Variants in ANKIB1 observed in about 807,000 individuals in gnomAD.
The protein encoded by ANKIB1 is ankyrin repeat and IBR domain containing 1, also known as ankyrin repeat and IBR domain-containing protein 1.
A neutral mutation model predicts 122.1 loss-of-function variants in ANKIB1; 43 were observed. That is an observed-to-expected ratio of 0.35 (90% CI 0.28 to 0.45). The LOEUF (loss-of-function observed/expected upper bound fraction) is 0.45, where lower values mean the gene tolerates loss of function less well. Among genes scored for constraint, ANKIB1 ranks in the 20% least tolerant of loss-of-function variants. ANKIB1 has a pLI of 1.00. For missense variants in ANKIB1, 992 were observed against 1,329.5 expected, an observed-to-expected ratio of 0.75 and a Z score of 3.95; for synonymous variants, 390 against 442.0, an observed-to-expected ratio of 0.88 and a Z score of 1.48.
intron 1 of ANKIB1, among the ~76,000 whole-genome samples, chr7:92,291,417 A>G (rs1802243662): frequency 6.6e-6 from 1 of 152,170 alleles, no homozygotes; most frequent in African/African-American, 2.4e-5. Flanking sequence ...AAAATATCTC[A>G]TGTACTCCCT....
chr7:92,292,627 T>C (rs1802273009), intron 1 of ANKIB1, among the ~76,000 whole-genome samples: 1 of 152,194 alleles, frequency 6.6e-6, no homozygotes, highest in Non-Finnish European at 1.5e-5. Context: ...TAGTATATTG[T>C]GTATAGTATG....
At chr7:92,282,435 C>T (rs1381894336) in intron 1 of ANKIB1, among the ~76,000 whole-genome samples, 5 of 152,152 alleles carry the variant, frequency 3.3e-5, no homozygotes, top group African/African-American at 1.2e-4. Context: ...TGAGCCACCA[C>T]GCCTGGCCAG....
Position 92,378,498 on chromosome 7 carries a change from T to A in ANKIB1, c.1617+6891T>A, listed in dbSNP as rs868000713. ...TATTTGACAAAAAAAAAAAAAAAAATCAACAATCATTCTTTATAAAACAGT... is the reference window on the plus strand; with the variant it reads ...TATTTGACAAAAAAAAAAAAAAAAAACAACAATCATTCTTTATAAAACAGT... On this transcript the variant is annotated intron_variant, in intron 11 of 19. Transcript: ENST00000265742. Among the ~76,000 whole-genome samples the A allele has an allele frequency of 7.4e-3, 1,030 of 138,372 alleles. 15 individuals are homozygous for A. Among genetic ancestry groups the A allele is most frequent in the African/African-American group, 0.025 (938 of 36,844 alleles). 90.8% of individuals were successfully genotyped at this position (138,372 alleles called of 152,430 possible).
At chr7:92,249,459 G>A (rs1315853214) in intron 1 of ANKIB1, among the ~76,000 whole-genome samples, 3 of 152,124 alleles carry the variant, frequency 2.0e-5, no homozygotes, top group Middle Eastern at 3.2e-3. Flanking sequence ...TGTGGCTCAC[G>A]CCTGTAATCC....
chr7:92,316,977 AT>A (rs1270199931), intron 3 of ANKIB1, among the ~76,000 whole-genome samples: 2 of 152,178 alleles, frequency 1.3e-5, no homozygotes, highest in African/African-American at 4.8e-5. Context: ...CCCAGCATGC[AT>A]TTTAGAAATA....
chr7:92,347,239 C>A (rs1318317690), intron 7 of ANKIB1, among the ~76,000 whole-genome samples: 1 of 152,140 alleles, frequency 6.6e-6, no homozygotes, highest in Non-Finnish European at 1.5e-5. Context: ...GAATGTGGCC[C>A]AACACAAATT....
chr7:92,392,309 G>T lies in ANKIB1; in HGVS notation c.2283+17G>T. The T allele has an allele frequency of 6.2e-7, 1 of 1,606,554 alleles. No homozygotes were observed. The highest frequency in any genetic ancestry group is 2.2e-5 in the East Asian group (1 of 44,532). ...TCACCAGAGGTAATTGTTTTATGGG[G>T]TTTTTGTTTTTGTATTTTTTCTTAG... On this transcript the variant is annotated intron_variant, in intron 17 of 19. Coordinates refer to ENST00000265742, the MANE Select transcript of ANKIB1 (RefSeq NM_019004.2).
intron 5 of ANKIB1, among the ~76,000 whole-genome samples, chr7:92,337,007 A>G (rs967973430): frequency 6.6e-6 from 1 of 152,214 alleles, no homozygotes; most frequent in African/African-American, 2.4e-5. Context: ...CAGGAGGGCT[A>G]TCCTATCATT....
intron 5 of ANKIB1, among the ~76,000 whole-genome samples, chr7:92,333,934 A>AT: frequency 6.6e-6 from 1 of 152,150 alleles, no homozygotes; most frequent in Non-Finnish European, 1.5e-5. Context: ...TATGCCTCAC[A>AT]TTTTTTATAT....
rs1802859856 is a variant in ANKIB1, at chr7:92,319,502, A to G, written c.659A>G (p.Asp220Gly). Residue 220 changes from aspartate (D) to glycine (G), a missense_variant, in exon 4 of 20, where the codon GAC becomes GGC. Around this residue, in one of 4 missense-constraint regions of ANKIB1, gnomAD observed 521 missense variants for 777.7 expected, o/e 0.67. Transcript: ENST00000265742. The stretch of plus-strand genomic sequence containing the variant: ...ATAGAAGCTGAATATGCTGCATTAG[A>G]CAAACGAGAGGTCAGTTTATTTTTT... ...EEIEAEYAAL[D>G]KREPYEGLRP... The G allele has an allele frequency of 1.2e-6, 2 of 1,603,702 alleles. No individual in the cohort carries two copies. Among genetic ancestry groups the G allele is most frequent in the African/African-American group, 1.3e-5 (1 of 74,284 alleles).
At chr7:92,270,020 T>A (rs1014907033) in intron 1 of ANKIB1, among the ~76,000 whole-genome samples, 2 of 151,222 alleles carry the variant, frequency 1.3e-5, no homozygotes, top group Admixed American at 6.6e-5. Context: ...GTGATCTCAT[T>A]GTTCAATTCC....
At chr7:92,271,054 C>T (rs1801780549) in intron 1 of ANKIB1, among the ~76,000 whole-genome samples, 1 of 151,920 alleles carries the variant, frequency 6.6e-6, no homozygotes, top group Non-Finnish European at 1.5e-5. Context: ...AAAATTTTCT[C>T]CTGTGTTTTT....
chr7:92,370,412 G>A (rs1804212386), intron 10 of ANKIB1, among the ~76,000 whole-genome samples: 1 of 150,098 alleles, frequency 6.7e-6, no homozygotes, highest in South Asian at 2.1e-4. Flanking sequence ...GGAGGCTGAG[G>A]CAGGAGAATG....
Position 92,391,151 on chromosome 7 carries a change from C to G in ANKIB1, c.2053-15C>G. On this transcript the variant is annotated splice_polypyrimidine_tract_variant and intron_variant, in intron 15 of 19. Transcript: ENST00000265742. ...ATGAAGCCTGTGATTTTTTTTTTTT[C>G]TCTGCTTACTATAGACAGACCTAGA... 1 of 1,486,316 alleles carries G rather than the reference C, an allele frequency of 6.7e-7. No individual in the cohort carries two copies. The highest frequency in any genetic ancestry group is 9.0e-7 in the Non-Finnish European group (1 of 1,114,496). The allele number at this position is 1,486,316 out of a possible 1,614,324, so 92.1% of individuals were successfully genotyped here.
At chr7:92,261,552 A>G (rs1428358444) in intron 1 of ANKIB1, among the ~76,000 whole-genome samples, 1 of 152,146 alleles carries the variant, frequency 6.6e-6, no homozygotes, top group Non-Finnish European at 1.5e-5. Flanking sequence ...TTGCTTTTAG[A>G]TGACTTTATG....
intron 9 of ANKIB1, among the ~76,000 whole-genome samples, chr7:92,356,498 ACT>A (rs1162149139): frequency 2.0e-5 from 3 of 152,134 alleles, no homozygotes; most frequent in Non-Finnish European, 2.9e-5. Context: ...TATCATGTGT[ACT>A]CTCTGCAGAG....
chr7:92,322,367 A>G (rs1802930387), intron 4 of ANKIB1, among the ~76,000 whole-genome samples: 1 of 152,142 alleles, frequency 6.6e-6, no homozygotes, highest in African/African-American at 2.4e-5. Context: ...TTTGATGCTA[A>G]TTCTATAGGA....
intron 17 of ANKIB1, among the ~76,000 whole-genome samples, chr7:92,392,588 T>G (rs566717168): frequency 1.3e-4 from 20 of 152,202 alleles, no homozygotes; most frequent in African/African-American, 4.8e-4. Flanking sequence ...TAGAGAGAAT[T>G]TATTAGAAAT....
At chr7:92,292,717 A>G (rs900116448) in intron 1 of ANKIB1, among the ~76,000 whole-genome samples, 4 of 152,234 alleles carry the variant, frequency 2.6e-5, no homozygotes, top group African/African-American at 9.6e-5. Context: ...CAACCCTCTG[A>G]AAAATTAAAT....
Sources: gnomAD v4.1 joint callset for allele counts (sites outside exome capture counted in the v4.1 genomes callset) on GRCh38, gnomAD v4.1.1 for gene constraint, gnomAD v4.1.1 regional missense constraint, MANE v1.5 for transcripts, NCBI Gene and HGNC (gene_info 2026-07-23, HGNC 2026-07-21) for gene names.